Variants in ERCC6L2 observed in about 807,000 individuals in gnomAD.
The protein encoded by ERCC6L2 is ERCC excision repair 6 like 2.
A neutral mutation model predicts 132.0 loss-of-function variants in ERCC6L2; 77 were observed. The ratio of observed to expected loss-of-function variants is 0.58; its 90% CI spans 0.49 to 0.71. ERCC6L2 has a LOEUF of 0.71. Among genes scored for constraint, ERCC6L2 ranks in the 30% least tolerant of loss-of-function variants. The pLI is 0.00. For missense variants in ERCC6L2, 1,542 were observed against 1,837.6 expected (o/e 0.84, Z 2.94); for synonymous variants, 583 against 632.4 (o/e 0.92, Z 1.17).
chr9:95,915,172 G>A lies in ERCC6L2; in HGVS notation c.789-496G>A, dbSNP rs141743553. ...AAATCAGCTGTTTCTCCATTCTTCC[G>A]TGAGGCTCTCATTCCTTTCAGTAAA... On this transcript the variant is annotated intron_variant, in intron 4 of 18. Transcript: ENST00000653738. Among the ~76,000 whole-genome samples the A allele has an allele frequency of 2.7e-3, 413 of 152,146 alleles. 1 individual carries two copies. The highest frequency in any genetic ancestry group is 9.5e-3 in the African/African-American group (394 of 41,508).
chr9:96,040,443 C>T (rs974355973), intron 20 of ERCC6L2, among the ~76,000 whole-genome samples: 2 of 152,182 alleles, frequency 1.3e-5, no homozygotes, highest in African/African-American at 4.8e-5. Flanking sequence ...CTCATGAAGG[C>T]CTGGCCTCTG....
Position 95,876,104 on chromosome 9 carries a change from C to G in ERCC6L2, c.46+20C>G, listed in dbSNP as rs370033874. The G allele has an allele frequency of 3.9e-6, 6 of 1,557,304 alleles. No homozygotes were observed. The Admixed American group carries it at 5.8e-5, about 15-fold the overall frequency. On this transcript the variant is annotated intron_variant, in intron 1 of 18. Coordinates refer to ENST00000653738, the MANE Select transcript of ERCC6L2 (RefSeq NM_020207.7). ...GCAAAGGTACCAGCTCCGCGCTCGC[C>G]CCTTACGCAGAGGCCTGTGTACTGC...
intron 19 of ERCC6L2, among the ~76,000 whole-genome samples, chr9:96,036,954 G>T (rs1309822392): frequency 3.3e-5 from 5 of 150,900 alleles, no homozygotes; most frequent in African/African-American, 1.2e-4. Flanking sequence ...TTTTAGTAGA[G>T]ACGGGGTTTC....
At chr9:95,880,654 C>T (rs1258774159) in intron 1 of ERCC6L2, among the ~76,000 whole-genome samples, 2 of 152,192 alleles carry the variant, frequency 1.3e-5, no homozygotes, top group Non-Finnish European at 2.9e-5. Flanking sequence ...GTAAGAACCA[C>T]TGGAAATAAA....
chr9:95,919,677 A>C (rs753159914), intron 6 of ERCC6L2, among the ~76,000 whole-genome samples: 60 of 152,370 alleles, frequency 3.9e-4, no homozygotes, highest in Non-Finnish European at 7.1e-4. Flanking sequence ...GTTGTTATAG[A>C]AAAAGCCATG....
chr9:95,918,432 G>T, intron 6 of ERCC6L2: 1 of 417,126 alleles, frequency 2.4e-6, no homozygotes, highest in Non-Finnish European at 4.7e-6. Flanking sequence ...AAACGAGAAG[G>T]GCCTCATAGC....
intron 19 of ERCC6L2, among the ~76,000 whole-genome samples, chr9:96,029,717 C>G (rs1360210920): frequency 6.6e-6 from 1 of 152,228 alleles, no homozygotes; most frequent in Non-Finnish European, 1.5e-5. Context: ...AACATCTGCA[C>G]GCACAATCTT....
In ERCC6L2 at chr9:95,880,801, A is replaced by C. The variant is rs1827547105; in HGVS notation, c.47-68A>C. 4 of 1,413,166 alleles carry C rather than the reference A, an allele frequency of 2.8e-6. No individual in the cohort carries two copies. In the Admixed American group the frequency reaches 6.8e-5, roughly 24 times the overall value. The allele number at this position is 1,413,166 out of a possible 1,614,324, so 87.5% of individuals were successfully genotyped here. A position where few individuals can be genotyped will look rare whatever the true frequency, so the allele number is the denominator to read the frequency against. The stretch of plus-strand genomic sequence containing the variant: ...ATGTGAGGTATATATTGTTTCTCAC[A>C]GCTGTGAATAAATGAGGTGTTACTT... On this transcript the variant is annotated intron_variant, in intron 1 of 18. Coordinates refer to ENST00000653738, the MANE Select transcript of ERCC6L2 (RefSeq NM_020207.7).
chr9:95,922,281 T>C, intron 7 of ERCC6L2, 24 bp from the exon 8 acceptor site: 2 of 1,316,156 alleles, frequency 1.5e-6, no homozygotes, highest in African/African-American at 1.5e-5. Context: ...GTCCTTTTTA[T>C]TTTCTATATT....
intron 4 of ERCC6L2, among the ~76,000 whole-genome samples, chr9:95,912,178 C>T (rs1239935792): frequency 6.6e-6 from 1 of 152,110 alleles, no homozygotes; most frequent in Non-Finnish European, 1.5e-5. Context: ...TTGGCTTTTT[C>T]CACTATTGGC....
In ERCC6L2 at chr9:95,891,593, CT is replaced by C. The variant is rs201492696; in HGVS notation, c.472-6243del. Among the ~76,000 whole-genome samples the C allele has an allele frequency of 3.7e-3, 507 of 136,774 alleles. 11 individuals are homozygous for C. The highest frequency in any genetic ancestry group is 3.8e-3 in the Non-Finnish European group (236 of 62,204). 89.7% of individuals were successfully genotyped at this position (136,774 alleles called of 152,430 possible). On this transcript the variant is annotated intron_variant, in intron 2 of 18. Coordinates refer to ENST00000653738, the MANE Select transcript of ERCC6L2 (RefSeq NM_020207.7). ...TGGGTTTTATGGTAATTCAGTGTTT[CT>C]TTTTTTTTTTTTCGAGGAACTGCAA...
At chr9:95,921,459 A>G in intron 7 of ERCC6L2, 144 bp downstream of exon 7, 4 of 506,860 alleles carry the variant, frequency 7.9e-6, no homozygotes, top group Non-Finnish European at 1.3e-5. Context: ...TTTCAAAAAT[A>G]TTTTACAATA....
At chr9:95,966,343 A>C (rs1412096362) in intron 13 of ERCC6L2, among the ~76,000 whole-genome samples, 1 of 152,226 alleles carries the variant, frequency 6.6e-6, no homozygotes, top group Non-Finnish European at 1.5e-5. Context: ...AAAACAGATA[A>C]AATAGGAAAT....
Position 95,965,873 on chromosome 9 carries a change from A to G in ERCC6L2, c.1948-689A>G, listed in dbSNP as rs141067530. 7.9e-5 allele frequency among the ~76,000 whole-genome samples: 12 copies of G among 152,244 alleles called. No homozygotes were observed. The East Asian group carries it at 2.3e-3, about 29-fold the overall frequency. On this transcript the variant is annotated intron_variant, in intron 13 of 18. Transcript: ENST00000653738. ...GCTGAAGTTATTTTCCATTCTGTGC[A>G]TTCTTTGTTTCTTTCAAGGAATTTT...
chr9:95,894,891 A>G (rs1828370358), intron 2 of ERCC6L2, among the ~76,000 whole-genome samples: 2 of 152,110 alleles, frequency 1.3e-5, no homozygotes, highest in South Asian at 4.1e-4. Flanking sequence ...CCACTGCACC[A>G]GGCCCGGTAT....
chr9:95,940,866 G>T (rs1587943906), intron 11 of ERCC6L2, among the ~76,000 whole-genome samples: 1 of 151,978 alleles, frequency 6.6e-6, no homozygotes, highest in African/African-American at 2.4e-5. Context: ...GACTCCTTCA[G>T]CTAGGCTTTC....
chr9:96,008,825 CAG>C (rs1400036837), intron 18 of ERCC6L2, among the ~76,000 whole-genome samples: 2 of 152,204 alleles, frequency 1.3e-5, no homozygotes, highest in Non-Finnish European at 2.9e-5. Context: ...TTGAGTTTGA[CAG>C]AGGTTGTGGT....
intron 11 of ERCC6L2, among the ~76,000 whole-genome samples, chr9:95,934,782 T>A (rs997019318): frequency 3.9e-5 from 6 of 152,134 alleles, no homozygotes; most frequent in Non-Finnish European, 7.4e-5. Flanking sequence ...CCAGATGATA[T>A]AAGTACCTCT....
At chr9:95,985,913 A>C (rs1159863139) in intron 17 of ERCC6L2, among the ~76,000 whole-genome samples, 1 of 152,236 alleles carries the variant, frequency 6.6e-6, no homozygotes, top group African/African-American at 2.4e-5. Context: ...CAGGGATACG[A>C]AGATGAACAA....
Sources: allele counts gnomAD v4.1 joint callset (sites outside exome capture counted in the v4.1 genomes callset), GRCh38; gene constraint gnomAD v4.1.1; transcripts MANE v1.5; gene names NCBI Gene and HGNC (gene_info 2026-07-23, HGNC 2026-07-21).